The following ACOT1 variants were observed in gnomAD, a reference collection of about 807,000 sequenced individuals.
The protein encoded by ACOT1 is acyl-coenzyme A thioesterase 1.
ACOT1 carries 8 observed loss-of-function variants against 15.7 expected under a neutral mutation model. The observed-to-expected ratio is 0.51, with a 90% confidence interval of 0.30 to 0.92. ACOT1 has a LOEUF of 0.92. Among genes scored for constraint, ACOT1 ranks in the 40% least tolerant of loss-of-function variants. The pLI, the probability that ACOT1 is intolerant of heterozygous loss-of-function variation, is 0.06. For missense variants in ACOT1, 151 were observed against 539.4 expected, an observed-to-expected ratio of 0.28 and a Z score of 7.13; for synonymous variants, 67 against 241.2, an observed-to-expected ratio of 0.28 and a Z score of 6.69.
the ACOT1 span, among the ~76,000 whole-genome samples, chr14:73,513,737 A>G: frequency 6.8e-6 from 1 of 146,196 alleles, no homozygotes; most frequent in East Asian, 2.0e-4. Context: ...CCAAAAAAAA[A>G]AAAAAAAAAA....
the ACOT1 span, among the ~76,000 whole-genome samples, chr14:73,509,809 CCCATAT>C: frequency 0.021 from 109 of 5,180 alleles, 9 homozygotes; most frequent in Non-Finnish European, 0.024. Flanking sequence ...GCCCCATGAG[CCCATAT>C]ATATATATAT....
the ACOT1 span, chr14:73,520,168 G>A: frequency 6.6e-6 from 1 of 152,162 alleles, no homozygotes; most frequent in Non-Finnish European, 1.5e-5. Context: ...AACAAGATGG[G>A]GCTTGGGAAG....
At chr14:73,501,815 G>A in the ACOT1 span, among the ~76,000 whole-genome samples, 342 of 151,284 alleles carry the variant, frequency 2.3e-3, 1 homozygote, top group African/African-American at 7.8e-3. Flanking sequence ...GTACAGTGGC[G>A]TGATCTCCGC....
the ACOT1 span, chr14:73,500,876 G>C: frequency 1.5e-6 from 1 of 669,436 alleles, no homozygotes; most frequent in South Asian, 2.0e-5. Flanking sequence ...AGTTTTACTG[G>C]GTACAGAGCT....
At chr14:73,521,174 G>A in the ACOT1 span, 2 of 756,046 alleles carry the variant, frequency 2.6e-6, no homozygotes, top group Middle Eastern at 4.0e-4. Flanking sequence ...GAACACCAAT[G>A]TTTAACTTTT....
the ACOT1 span, chr14:73,523,011 T>TAGGCACACTGGAGACAG: frequency 6.2e-7 from 1 of 1,613,852 alleles, no homozygotes; most frequent in Non-Finnish European, 8.5e-7. Flanking sequence ...AAGAAGACCA[T>TAGGCACACTGGAGACAG]AGGCACACTG....
rs1372068275 is a variant in ACOT1, at chr14:73,537,854, C to G, written c.433C>G (p.Arg145Gly). Residue 145 changes from arginine (R) to glycine (G), a missense_variant, in exon 1 of 3, where the codon CGA (arginine) becomes GGA (glycine). Physicochemically the swap from Arg to Gly is moderately radical, Grantham distance 125. Coordinates refer to ENST00000311148, the MANE Select transcript of ACOT1 (RefSeq NM_001037161.2). Reference protein sequence around the residue: ...RREPVRAGRVRGTLFLPPEPG... With the variant: ...RREPVRAGRVGGTLFLPPEPG... ...CGAGCCGGTGCGCGCGGGCCGGGTG[C>G]GAGGCACGCTCTTCCTGCCGCCAGG... The G allele has an allele frequency of 8.3e-6, 10 of 1,203,522 alleles. 3 individuals are homozygous for G. The highest frequency in any genetic ancestry group is 3.2e-5 in the African/African-American group (2 of 63,210). 74.6% of individuals were successfully genotyped at this position (1,203,522 alleles called of 1,614,324 possible).
At chr14:73,520,372 A>G in the ACOT1 span, 1 of 153,804 alleles carries the variant, frequency 6.5e-6, no homozygotes, top group African/African-American at 2.4e-5. Context: ...CTTCACAAAT[A>G]AGGTACTTGT....
At chr14:73,525,844 T>C in the ACOT1 span, among the ~76,000 whole-genome samples, 1 of 151,706 alleles carries the variant, frequency 6.6e-6, no homozygotes, top group Admixed American at 6.6e-5. Context: ...TCCCAGCTAC[T>C]TGGGAGGCTG....
At chr14:73,513,256 C>T in the ACOT1 span, among the ~76,000 whole-genome samples, 294 of 150,838 alleles carry the variant, frequency 1.9e-3, 1 homozygote, top group African/African-American at 6.1e-3. Flanking sequence ...GTCAGGAGTT[C>T]GAGACCAGCC....
chr14:73,521,286 C>G, the ACOT1 span, among the ~76,000 whole-genome samples: 1 of 152,134 alleles, frequency 6.6e-6, no homozygotes, highest in Non-Finnish European at 1.5e-5. Context: ...CTGCAGCCAC[C>G]AAGCAGCAGG....
chr14:73,522,321 G>A, the ACOT1 span: 6 of 1,614,218 alleles, frequency 3.7e-6, no homozygotes, highest in Non-Finnish European at 4.2e-6. Flanking sequence ...TCCTGTGGGG[G>A]CAGGATGACA....
the ACOT1 span, chr14:73,502,847 A>T: frequency 2.8e-6 from 4 of 1,447,720 alleles, no homozygotes; most frequent in African/African-American, 1.4e-5. Flanking sequence ...CCTCCTAAAC[A>T]CTTCTAAGAA....
At chr14:73,520,648 G>GGA in the ACOT1 span, 2 of 505,300 alleles carry the variant, frequency 4.0e-6, no homozygotes, top group Middle Eastern at 5.3e-4. Context: ...GAGAAAGCGG[G>GGA]GAGAGAGAGC....
At chr14:73,504,977 GC>G in the ACOT1 span, among the ~76,000 whole-genome samples, 1 of 152,074 alleles carries the variant, frequency 6.6e-6, no homozygotes, top group Admixed American at 6.5e-5. Flanking sequence ...TGTCGCCCAG[GC>G]TGGAGTGCAG....
the ACOT1 span, chr14:73,506,507 G>A: frequency 3.7e-6 from 6 of 1,613,772 alleles, no homozygotes; most frequent in East Asian, 1.1e-4. Context: ...AGCCTGGCAG[G>A]CCACAATCCG....
chr14:73,497,532 A>G, the ACOT1 span, among the ~76,000 whole-genome samples: 1 of 152,224 alleles, frequency 6.6e-6, no homozygotes, highest in Admixed American at 6.5e-5. Context: ...TGCATGCCAG[A>G]GCTGGAATTC....
At chr14:73,498,259 C>T in the ACOT1 span, 2 of 1,614,074 alleles carry the variant, frequency 1.2e-6, no homozygotes, top group Non-Finnish European at 1.7e-6. Flanking sequence ...AAGCTTCCAG[C>T]CGTACACCTG....
chr14:73,491,257 C>T, the ACOT1 span: 14 of 1,577,642 alleles, frequency 8.9e-6, no homozygotes, highest in Admixed American at 1.8e-5. Context: ...ACGCGCTACC[C>T]GGTGGGGCGG....
Sources: allele counts gnomAD v4.1 joint callset (sites outside exome capture counted in the v4.1 genomes callset), GRCh38; gene constraint gnomAD v4.1.1; transcripts MANE v1.5; gene names NCBI Gene and HGNC (gene_info 2026-07-23, HGNC 2026-07-21).